The following NEGR1 variants were observed in gnomAD, a reference collection of about 807,000 sequenced individuals.
The protein encoded by NEGR1 is neuronal growth regulator 1.
Under a neutral mutation model 40.9 loss-of-function variants are expected in NEGR1, and 10 were observed. That is an observed-to-expected ratio of 0.24 (90% CI 0.15 to 0.42). The LOEUF (loss-of-function observed/expected upper bound fraction) is 0.42, where lower values mean the gene tolerates loss of function less well. NEGR1 is among the 10% of genes least tolerant of loss of function. The probability of loss-of-function intolerance (pLI) is 1.00; values close to 1 mark genes in which losing one functional copy is unlikely to be tolerated. For missense variants in NEGR1, 352 were observed against 438.9 expected, an observed-to-expected ratio of 0.80 and a Z score of 1.77; for synonymous variants, 185 against 166.8, an observed-to-expected ratio of 1.11 and a Z score of -0.84.
intron 6 of NEGR1, among the ~76,000 whole-genome samples, chr1:71,445,196 G>A (rs1646572675): frequency 1.3e-5 from 2 of 152,092 alleles, no homozygotes; most frequent in Admixed American, 1.3e-4. Context: ...CCTCTAGTTG[G>A]GGTTAAGACT....
intron 4 of NEGR1, among the ~76,000 whole-genome samples, chr1:71,667,248 T>A (rs936489570): frequency 5.9e-5 from 9 of 152,188 alleles, no homozygotes; most frequent in Non-Finnish European, 1.2e-4. Context: ...GTGAATCAGT[T>A]GAAAAGTAAA....
intron 2 of NEGR1, among the ~76,000 whole-genome samples, chr1:71,819,144 G>C (rs1570390818): frequency 6.6e-6 from 1 of 151,972 alleles, no homozygotes; most frequent in African/African-American, 2.4e-5. Context: ...GTTGGTGCCA[G>C]TAACAGCTTA....
rs78668372 is a variant in NEGR1, at chr1:71,437,555, A to C, written c.941-29985T>G. Among the ~76,000 whole-genome samples, 225 of 152,322 alleles carry C rather than the reference A, an allele frequency of 1.5e-3. 4 individuals carry two copies. The East Asian group carries it at 0.029, about 20-fold the overall frequency. On this transcript the variant is annotated intron_variant, in intron 6 of 6. Transcript: ENST00000357731. ...AAGCTAACATATCAGCAAGTCAAGA[A>C]ATTCAGGTGCTTGTATGCTAAATTT... is the stretch of plus-strand genomic sequence containing the variant.
At chr1:71,487,790 G>T (rs956162952) in intron 6 of NEGR1, among the ~76,000 whole-genome samples, 1 of 151,282 alleles carries the variant, frequency 6.6e-6, no homozygotes, top group Admixed American at 6.6e-5. Flanking sequence ...TATGCAAAAT[G>T]CACTTTTCCT....
At chr1:71,694,871 C>A (rs1557616596) in intron 4 of NEGR1, among the ~76,000 whole-genome samples, 1 of 151,666 alleles carries the variant, frequency 6.6e-6, no homozygotes, top group Non-Finnish European at 1.5e-5. Flanking sequence ...TCTATGCGCA[C>A]AATCAATATT....
At chr1:71,728,110 G>A (rs1411171594) in intron 3 of NEGR1, among the ~76,000 whole-genome samples, 1 of 152,152 alleles carries the variant, frequency 6.6e-6, no homozygotes, top group Non-Finnish European at 1.5e-5. Flanking sequence ...GCTTAGAAGA[G>A]TTTCTAATGT....
At chr1:71,994,963 G>C (rs534787608) in intron 1 of NEGR1, among the ~76,000 whole-genome samples, 2 of 122,492 alleles carry the variant, frequency 1.6e-5, no homozygotes, top group Non-Finnish European at 3.2e-5. Flanking sequence ...TGCAATATAA[G>C]CATTAGGGAG....
intron 4 of NEGR1, among the ~76,000 whole-genome samples, chr1:71,665,110 T>C (rs796362670): frequency 8.5e-5 from 13 of 152,306 alleles, no homozygotes; most frequent in African/African-American, 2.9e-4. Context: ...CATGAAAATA[T>C]ATTAAACACT....
At chr1:72,206,307 C>T (rs113173703) in intron 1 of NEGR1, among the ~76,000 whole-genome samples, 1 of 151,890 alleles carries the variant, frequency 6.6e-6, no homozygotes, top group East Asian at 1.9e-4. Flanking sequence ...ATGTGGCTTA[C>T]TGTGAGAAGA....
intron 2 of NEGR1, among the ~76,000 whole-genome samples, chr1:71,793,054 G>A (rs543564033): frequency 1.3e-5 from 2 of 150,674 alleles, no homozygotes; most frequent in African/African-American, 4.9e-5. Flanking sequence ...AAACCTCCCA[G>A]GAGTGATCCT....
intron 6 of NEGR1, among the ~76,000 whole-genome samples, chr1:71,478,523 A>G (rs1646835859): frequency 6.6e-6 from 1 of 151,992 alleles, no homozygotes; most frequent in Non-Finnish European, 1.5e-5. Context: ...CATTGCCCAC[A>G]ACATCTTGAT....
chr1:71,585,030 T>G (rs1309243914), intron 6 of NEGR1, among the ~76,000 whole-genome samples: 1 of 152,110 alleles, frequency 6.6e-6, no homozygotes, highest in Non-Finnish European at 1.5e-5. Flanking sequence ...AAATTCTGTG[T>G]AGAGATGACA....
intron 1 of NEGR1, among the ~76,000 whole-genome samples, chr1:72,277,528 T>C (rs1478037918): frequency 6.6e-6 from 1 of 152,154 alleles, no homozygotes; most frequent in Admixed American, 6.5e-5. Flanking sequence ...AACATTATAC[T>C]TTTATTAATA....
intron 2 of NEGR1, among the ~76,000 whole-genome samples, chr1:71,876,091 C>T (rs185330759): frequency 3.9e-5 from 6 of 152,090 alleles, no homozygotes; most frequent in Non-Finnish European, 7.4e-5. Flanking sequence ...CTAATGAAGA[C>T]GAGGAGCTCG....
intron 6 of NEGR1, among the ~76,000 whole-genome samples, chr1:71,563,685 G>A (rs1468659724): frequency 6.6e-6 from 1 of 151,946 alleles, no homozygotes; most frequent in Non-Finnish European, 1.5e-5. Flanking sequence ...ACAGAAAGAA[G>A]TTTGGAACAA....
chr1:71,547,292 C>G (rs980711167), intron 6 of NEGR1, among the ~76,000 whole-genome samples: 1 of 151,734 alleles, frequency 6.6e-6, no homozygotes, highest in Non-Finnish European at 1.5e-5. Context: ...GCCCATCTAA[C>G]TTGTTCATTT....
intron 1 of NEGR1, among the ~76,000 whole-genome samples, chr1:72,281,225 CAGAA>C (rs1302692744): frequency 6.6e-6 from 1 of 151,018 alleles, no homozygotes; most frequent in Non-Finnish European, 1.5e-5. Flanking sequence ...TAGAAAGACA[CAGAA>C]AGAGAAAAAG....
intron 1 of NEGR1, among the ~76,000 whole-genome samples, chr1:71,990,898 A>T (rs1201065955): frequency 1.5e-5 from 2 of 134,592 alleles, no homozygotes; most frequent in African/African-American, 5.5e-5. Context: ...ATCTGTAGGC[A>T]TATACATATA....
intron 6 of NEGR1, among the ~76,000 whole-genome samples, chr1:71,499,473 T>G (rs357226): frequency 0.57 from 84,014 of 147,094 alleles, 24,429 homozygotes; most frequent in Middle Eastern, 0.66. Flanking sequence ...ATGTATATAT[T>G]GTATATAATA....
Sources: gnomAD v4.1 joint callset for allele counts (sites outside exome capture counted in the v4.1 genomes callset) on GRCh38, gnomAD v4.1.1 for gene constraint, MANE v1.5 for transcripts, NCBI Gene and HGNC (gene_info 2026-07-23, HGNC 2026-07-21) for gene names.